The following REPS2 variants were observed in gnomAD, a reference collection of about 807,000 sequenced individuals.
The protein encoded by REPS2 is ralBP1-associated Eps domain-containing protein 2.
REPS2 carries 23 observed loss-of-function variants against 53.6 expected under a neutral mutation model. The ratio of observed to expected loss-of-function variants is 0.43; its 90% CI spans 0.31 to 0.61. The LOEUF (loss-of-function observed/expected upper bound fraction) is 0.61, where lower values mean the gene tolerates loss of function less well. Among genes scored for constraint, REPS2 ranks in the 20% least tolerant of loss-of-function variants. The pLI is 0.11. For missense variants in REPS2, 446 were observed against 534.9 expected, an observed-to-expected ratio of 0.83 and a Z score of 1.64; for synonymous variants, 238 against 218.6, an observed-to-expected ratio of 1.09 and a Z score of -0.78.
In REPS2 at chrX:16,946,909, G is replaced by A. The variant is rs2060439781; in HGVS notation, c.48G>A (p.Ala16=). The part of the protein sequence containing the change: ...AAAAAAAAAA[A]AGGGCGSGPP... ...CGGCGGCGGCAGCGGCAGCGGCAGCGGCGGGCGGGGGCTGTGGCTCCGGGC... is the reference window on the plus strand; with the variant it reads ...CGGCGGCGGCAGCGGCAGCGGCAGCAGCGGGCGGGGGCTGTGGCTCCGGGC... The change falls in exon 1 of 18, where the codon GCG becomes GCA. Residue 16 remains alanine, a synonymous_variant. Transcript: ENST00000357277. 1.3e-5 allele frequency: 10 copies of A among 793,023 alleles called. No individual in the cohort carries two copies. The highest frequency in any genetic ancestry group is 1.5e-5 in the Non-Finnish European group (10 of 666,759). 65.4% of individuals were successfully genotyped at this position (793,023 alleles called of 1,213,427 possible).
chrX:16,969,594 C>T (rs1425142325), intron 1 of REPS2, among the ~76,000 whole-genome samples: 3 of 110,179 alleles, frequency 2.7e-5, no homozygotes, highest in African/African-American at 6.6e-5. Flanking sequence ...GGCGTGGCGG[C>T]GCGCGCCTGC....
chrX:17,135,040 A>G (rs1238465781), intron 15 of REPS2, among the ~76,000 whole-genome samples: 1 of 110,105 alleles, frequency 9.1e-6, no homozygotes, highest in African/African-American at 3.3e-5. Flanking sequence ...GACAAGAAGT[A>G]ATAGACTTCT....
rs1160587316 is a variant in REPS2, at chrX:16,970,348, C to T, written c.273+23214C>T. Reference sequence around the variant, plus strand: ...AGTAGCTGGGACTACAGGCGTGTGCCACCACGCCCAGCTAATTTTTTGTAT... The same window carrying T: ...AGTAGCTGGGACTACAGGCGTGTGCTACCACGCCCAGCTAATTTTTTGTAT... On this transcript the variant is annotated intron_variant, in intron 1 of 17. Transcript: ENST00000357277. Among the ~76,000 whole-genome samples, 4 of 110,860 alleles carry T rather than the reference C, an allele frequency of 3.6e-5. No individual in the cohort carries two copies. The East Asian group carries it at 1.1e-3, about 32-fold the overall frequency.
chrX:16,952,792 G>A (rs2060530731), intron 1 of REPS2, among the ~76,000 whole-genome samples: 1 of 111,520 alleles, frequency 9.0e-6, no homozygotes, highest in African/African-American at 3.3e-5. Context: ...ATATCATTTT[G>A]TAACTATACT....
intron 5 of REPS2, among the ~76,000 whole-genome samples, chrX:17,032,311 CAAGTTCCTTCTCTTTTCTGT>C (rs1187621335): frequency 1.8e-5 from 2 of 112,037 alleles, no homozygotes; most frequent in Admixed American, 1.9e-4. Context: ...TGACCTTGGG[CAAGTTCCTTCTCTTTTCTGT>C]AATACAAATG....
chrX:17,112,553 A>G (rs2062985846), intron 14 of REPS2, among the ~76,000 whole-genome samples: 2 of 112,235 alleles, frequency 1.8e-5, no homozygotes, highest in Admixed American at 1.9e-4. Context: ...GAATGAAACT[A>G]GAAATCAATA....
chrX:17,135,454 A>T (rs377184320), intron 16 of REPS2, 48 bp downstream of exon 16: 177 of 1,147,780 alleles, frequency 1.5e-4, no homozygotes, highest in Non-Finnish European at 1.9e-4. Flanking sequence ...TCGCTCTGAG[A>T]TGTCGACGGA....
chrX:17,021,984 T>C (rs939969965), intron 2 of REPS2, 139 bp from the exon 3 acceptor site: 1 of 528,068 alleles, frequency 1.9e-6, no homozygotes, highest in East Asian at 3.3e-5. Flanking sequence ...GGAGTACTCA[T>C]TGTATCTAAA....
At chrX:17,108,645 T>C (rs2148072162) in intron 14 of REPS2, among the ~76,000 whole-genome samples, 1 of 111,775 alleles carries the variant, frequency 8.9e-6, no homozygotes, top group East Asian at 2.8e-4. Flanking sequence ...CAAGACATTA[T>C]CTTTTAAGTT....
intron 1 of REPS2, among the ~76,000 whole-genome samples, chrX:16,978,364 A>G (rs1053921252): frequency 8.9e-6 from 1 of 112,389 alleles, no homozygotes; most frequent in African/African-American, 3.2e-5. Context: ...CTTTTACTCA[A>G]TAAAAGTAAG....
rs2061362957 is a variant in REPS2 at position 17,006,330 on chromosome X, A to G, written c.383A>G (p.Glu128Gly). 1 of 1,208,364 alleles carries G rather than the reference A, an allele frequency of 8.3e-7. No individual in the cohort carries two copies. The highest frequency in any genetic ancestry group is 1.8e-5 in the African/African-American group (1 of 57,122). Reference sequence around the variant, plus strand: ...CAATCTGGCCTCCCGGTACGGATAGAGAGTATTAAATGTGGTGAGTATCTC... The same window carrying G: ...CAATCTGGCCTCCCGGTACGGATAGGGAGTATTAAATGTGGTGAGTATCTC... ...AAQSGLPVRIESIKCELPLPR... is the reference protein window; with the variant it reads ...AAQSGLPVRIGSIKCELPLPR... Residue 128 changes from glutamate to glycine, a missense_variant, in exon 2 of 18, where the codon GAG (glutamate) becomes GGG (glycine). Glu to Gly is a moderately conservative substitution (Grantham distance 98). Coordinates refer to ENST00000357277, the MANE Select transcript of REPS2 (RefSeq NM_004726.3).
At chrX:17,183,613 C>T in the REPS2 span, among the ~76,000 whole-genome samples, 1 of 112,213 alleles carries the variant, frequency 8.9e-6, no homozygotes, top group African/African-American at 3.2e-5. Flanking sequence ...TAAGCAGCAT[C>T]TTCCCTCCCC....
At chrX:17,142,638 A>C (rs1004081912) in intron 17 of REPS2, among the ~76,000 whole-genome samples, 2 of 112,096 alleles carry the variant, frequency 1.8e-5, no homozygotes, top group African/African-American at 6.5e-5. Context: ...GGGAAATGCA[A>C]ATTTAAACCA....
intron 5 of REPS2, among the ~76,000 whole-genome samples, chrX:17,030,767 G>T (rs2061699688): frequency 8.9e-6 from 1 of 112,191 alleles, no homozygotes; most frequent in South Asian, 3.7e-4. Flanking sequence ...TCAAATAGCT[G>T]GTTTAAGGTT....
At chrX:16,958,632 A>G (rs1463000219) in intron 1 of REPS2, among the ~76,000 whole-genome samples, 2 of 112,030 alleles carry the variant, frequency 1.8e-5, no homozygotes, top group Non-Finnish European at 3.8e-5. Flanking sequence ...TGCTAGAACT[A>G]TGGCCAGAGA....
At chrX:17,031,597 TAA>T (rs1291672763) in intron 5 of REPS2, among the ~76,000 whole-genome samples, 1 of 112,049 alleles carries the variant, frequency 8.9e-6, no homozygotes, top group Non-Finnish European at 1.9e-5. Flanking sequence ...AGTAAATGTA[TAA>T]TTATGATATG....
intron 2 of REPS2, among the ~76,000 whole-genome samples, chrX:17,020,077 G>T (rs1239882761): frequency 8.9e-6 from 1 of 111,799 alleles, no homozygotes; most frequent in Non-Finnish European, 1.9e-5. Flanking sequence ...GAGAGAGGTG[G>T]TTTTCTAGGC....
intron 1 of REPS2, among the ~76,000 whole-genome samples, chrX:16,957,674 C>T (rs979217326): frequency 9.8e-5 from 11 of 112,091 alleles, no homozygotes; most frequent in Non-Finnish European, 1.5e-4. Context: ...TGCATACTCT[C>T]TGGTACCCTT....
At chrX:16,960,965 G>A (rs750396417) in intron 1 of REPS2, among the ~76,000 whole-genome samples, 6 of 112,105 alleles carry the variant, frequency 5.4e-5, no homozygotes, top group African/African-American at 1.9e-4. Flanking sequence ...ACAAATAAAT[G>A]GAAAGATATG....
Sources: gnomAD v4.1 joint callset for allele counts (sites outside exome capture counted in the v4.1 genomes callset) on GRCh38, gnomAD v4.1.1 for gene constraint, MANE v1.5 for transcripts, NCBI Gene and HGNC (gene_info 2026-07-23, HGNC 2026-07-21) for gene names.